The following TPST1 variants were observed in gnomAD, a reference collection of about 807,000 sequenced individuals.
The protein encoded by TPST1 is tyrosylprotein sulfotransferase 1.
A neutral mutation model predicts 34.8 loss-of-function variants in TPST1; 20 were observed. That is an observed-to-expected ratio of 0.57 (90% CI 0.40 to 0.84). The LOEUF (loss-of-function observed/expected upper bound fraction) is 0.84, where lower values mean the gene tolerates loss of function less well. Among genes scored for constraint, TPST1 ranks in the 40% least tolerant of loss-of-function variants. The pLI, the probability that TPST1 is intolerant of heterozygous loss-of-function variation, is 0.00. For synonymous variants in TPST1, 152 were observed against 159.4 expected, an observed-to-expected ratio of 0.95 and a Z score of 0.35; for missense variants, 353 against 455.5, an observed-to-expected ratio of 0.78 and a Z score of 2.05.
intron 1 of TPST1, among the ~76,000 whole-genome samples, chr7:66,212,501 C>G (rs1341524183): frequency 6.7e-6 from 1 of 150,244 alleles, no homozygotes; most frequent in African/African-American, 2.5e-5. Flanking sequence ...ACTCTGTCGC[C>G]CAGGCTGGAG....
At chr7:66,358,489 G>C (rs1214004919) in intron 5 of TPST1, among the ~76,000 whole-genome samples, 5 of 151,850 alleles carry the variant, frequency 3.3e-5, no homozygotes, top group Non-Finnish European at 7.4e-5. Flanking sequence ...ATATAAAATT[G>C]TATTCAGTTC....
At chr7:66,281,308 GATAGGTTTTGGTGTCAGA>G (rs1249423142) in intron 2 of TPST1, among the ~76,000 whole-genome samples, 3 of 152,136 alleles carry the variant, frequency 2.0e-5, no homozygotes, top group African/African-American at 7.2e-5. Flanking sequence ...TTGTATCTCT[GATAGGTTTTGGTGTCAGA>G]ATGATGCTGA....
chr7:66,354,324 G>A (rs750624100), intron 4 of TPST1, among the ~76,000 whole-genome samples: 5 of 152,010 alleles, frequency 3.3e-5, no homozygotes, highest in African/African-American at 7.2e-5. Flanking sequence ...ATCCAAAAGC[G>A]CCCAGGTGCG....
intron 2 of TPST1, among the ~76,000 whole-genome samples, chr7:66,278,100 CA>C (rs35654351): frequency 0.15 from 7,196 of 48,978 alleles, 28 homozygotes; most frequent in East Asian, 0.31. Flanking sequence ...GACTCCATCT[CA>C]AAAAAAAAAA....
At chr7:66,279,557 CTCTTT>C (rs1015501176) in intron 2 of TPST1, among the ~76,000 whole-genome samples, 73 of 152,158 alleles carry the variant, frequency 4.8e-4, no homozygotes, top group African/African-American at 1.7e-3. Context: ...TATAAGCATA[CTCTTT>C]TCTTTGTTTT....
At chr7:66,308,380 A>G (rs941459508) in intron 3 of TPST1, among the ~76,000 whole-genome samples, 5 of 152,206 alleles carry the variant, frequency 3.3e-5, no homozygotes, top group Admixed American at 2.6e-4. Context: ...TAATCTCTGC[A>G]GTTCCTCTAG....
chr7:66,246,584 G>A (rs190172796), intron 2 of TPST1, among the ~76,000 whole-genome samples: 89 of 152,288 alleles, frequency 5.8e-4, no homozygotes, highest in African/African-American at 2.1e-3. Flanking sequence ...TTAGAAGTTG[G>A]ATATCAGATC....
At chr7:66,240,272 AT>A (rs1482239738) in intron 1 of TPST1, 52 bp from the exon 2 acceptor site, 1 of 930,148 alleles carries the variant, frequency 1.1e-6, no homozygotes, top group African/African-American at 1.7e-5. Flanking sequence ...CTGGTGACTG[AT>A]TTGTAAGCAA....
At chr7:66,343,463 C>T (rs746073540) in intron 3 of TPST1, among the ~76,000 whole-genome samples, 2 of 152,226 alleles carry the variant, frequency 1.3e-5, no homozygotes, top group African/African-American at 4.8e-5. Flanking sequence ...ACTATGCTCA[C>T]GACCTGGGTA....
chr7:66,250,866 CAG>C, intron 2 of TPST1, among the ~76,000 whole-genome samples: 1 of 152,298 alleles, frequency 6.6e-6, no homozygotes, highest in East Asian at 1.9e-4. Flanking sequence ...CATCTGATAA[CAG>C]AGGGCTACTA....
intron 1 of TPST1, among the ~76,000 whole-genome samples, chr7:66,236,147 A>T (rs1188555371): frequency 1.3e-5 from 2 of 152,198 alleles, no homozygotes; most frequent in African/African-American, 2.4e-5. Flanking sequence ...AGCAGTTCCC[A>T]GCTTGACTTT....
rs914462742 is a variant in TPST1, at chr7:66,232,372, TTTTG to T, written c.-101-7941_-101-7938del. On this transcript the variant is annotated intron_variant, in intron 1 of 5. Transcript: ENST00000304842. The stretch of plus-strand genomic sequence containing the variant: ...CACGTGCCACCATGCCTGATTAATT[TTTTG>T]TTTGTTTGTTTTTTGAGACAGAGTC... Among the ~76,000 whole-genome samples, 309 of 151,750 alleles carry T rather than the reference TTTTG, an allele frequency of 2.0e-3. 1 individual carries two copies. The highest frequency in any genetic ancestry group is 6.8e-3 in the African/African-American group (282 of 41,324).
chr7:66,211,107 C>T (rs11762122), intron 1 of TPST1, among the ~76,000 whole-genome samples: 2 of 152,008 alleles, frequency 1.3e-5, no homozygotes, highest in African/African-American at 2.4e-5. Context: ...TAAATTATAT[C>T]TGCTGGGTCC....
intron 2 of TPST1, among the ~76,000 whole-genome samples, chr7:66,252,732 G>A (rs1359785248): frequency 6.6e-6 from 1 of 152,068 alleles, no homozygotes; most frequent in Non-Finnish European, 1.5e-5. Flanking sequence ...ATGAATTTAA[G>A]TTTTAAACTT....
At chr7:66,279,889 G>A (rs968300579) in intron 2 of TPST1, among the ~76,000 whole-genome samples, 8 of 152,218 alleles carry the variant, frequency 5.3e-5, no homozygotes, top group African/African-American at 1.7e-4. Flanking sequence ...GTAATGAACA[G>A]TAGCTAAACT....
At chr7:66,258,066 G>C (rs1790414076) in intron 2 of TPST1, among the ~76,000 whole-genome samples, 1 of 151,980 alleles carries the variant, frequency 6.6e-6, no homozygotes, top group Non-Finnish European at 1.5e-5. Flanking sequence ...GCTAATTTTT[G>C]GCTTAGGATT....
intron 3 of TPST1, among the ~76,000 whole-genome samples, chr7:66,342,076 C>T (rs769608462): frequency 3.3e-5 from 5 of 152,044 alleles, no homozygotes; most frequent in Non-Finnish European, 5.9e-5. Flanking sequence ...ATAGAGAAAA[C>T]GAACAGCAGG....
intron 1 of TPST1, among the ~76,000 whole-genome samples, chr7:66,208,128 CTT>C (rs1789169939): frequency 1.3e-5 from 2 of 152,152 alleles, no homozygotes; most frequent in African/African-American, 2.4e-5. Flanking sequence ...TGCTTGTTTT[CTT>C]TAAAAATTCT....
At chr7:66,219,037 C>G (rs1046286943) in intron 1 of TPST1, among the ~76,000 whole-genome samples, 1 of 145,410 alleles carries the variant, frequency 6.9e-6, no homozygotes, top group African/African-American at 2.5e-5. Flanking sequence ...TGTACCACCA[C>G]GCCTGGCTAA....
Sources: allele counts gnomAD v4.1 joint callset (sites outside exome capture counted in the v4.1 genomes callset), GRCh38; gene constraint gnomAD v4.1.1; transcripts MANE v1.5; gene names NCBI Gene and HGNC (gene_info 2026-07-23, HGNC 2026-07-21).